SLC39A11: variants seen among roughly 807,000 people sequenced by gnomAD.
SLC39A11 encodes solute carrier family 39 member 11.
Under a neutral mutation model 36.1 loss-of-function variants are expected in SLC39A11, and 33 were observed. The observed-to-expected ratio is 0.91, with a 90% CI of 0.69 to 1.22. SLC39A11 has a LOEUF of 1.22. Ranked by LOEUF, SLC39A11 falls within the 50% of genes most tolerant of loss-of-function variation. SLC39A11 has a pLI of 0.00. For missense variants in SLC39A11, 432 were observed against 430.3 expected (o/e 1.00, Z -0.03); for synonymous variants, 166 against 170.3 (o/e 0.97, Z 0.20).
At chr17:73,068,306 C>A in intron 3 of SLC39A11, 1 of 609,770 alleles carries the variant, frequency 1.6e-6, no homozygotes, top group Non-Finnish European at 2.9e-6. Flanking sequence ...TGGAGAGACT[C>A]CGGGGTCTTT....
intron 7 of SLC39A11, among the ~76,000 whole-genome samples, chr17:72,658,682 A>C (rs530728938): frequency 6.6e-6 from 1 of 152,322 alleles, no homozygotes; most frequent in East Asian, 1.9e-4. Flanking sequence ...GTGTAGTGCC[A>C]GTCAAACATA....
chr17:72,681,043 A>G (rs1271031953), intron 7 of SLC39A11, among the ~76,000 whole-genome samples: 2 of 152,102 alleles, frequency 1.3e-5, no homozygotes, highest in East Asian at 3.9e-4. Flanking sequence ...CCCGGGTTCA[A>G]GTGATTTTCC....
At chr17:72,948,326 T>C (rs1430336430) in intron 4 of SLC39A11, among the ~76,000 whole-genome samples, 8 of 150,684 alleles carry the variant, frequency 5.3e-5, no homozygotes, top group African/African-American at 2.0e-4. Context: ...AAAACCCCAC[T>C]GCAAGCGTCA....
chr17:72,918,870 C>T (rs2083477624), intron 5 of SLC39A11, among the ~76,000 whole-genome samples: 1 of 152,066 alleles, frequency 6.6e-6, no homozygotes, highest in Admixed American at 6.6e-5. Context: ...TGAGATCAGC[C>T]TGGCCAACAT....
chr17:72,874,986 G>A (rs1052369130), intron 5 of SLC39A11, among the ~76,000 whole-genome samples: 2 of 152,170 alleles, frequency 1.3e-5, no homozygotes, highest in Non-Finnish European at 2.9e-5. Context: ...TAAACTGGGG[G>A]AAAGGAGGGA....
chr17:72,697,285 G>T (rs2072350086), intron 7 of SLC39A11, among the ~76,000 whole-genome samples: 1 of 152,146 alleles, frequency 6.6e-6, no homozygotes, highest in African/African-American at 2.4e-5. Context: ...GTTTCGCCAT[G>T]TTGCCCAGGC....
rs76977246 is a variant in SLC39A11, at chr17:73,037,135, G to T, written c.148-5421C>A. On this transcript the variant is annotated intron_variant, in intron 3 of 9. Coordinates refer to ENST00000255559, the MANE Select transcript of SLC39A11 (RefSeq NM_139177.4). ...CAGTTTATCTGTTCACCTATTGAAG[G>T]ACTTTTTGGTTGCTTCTGAGTTTTG... 3.0e-3 allele frequency among the ~76,000 whole-genome samples: 458 copies of T among 152,286 alleles called. 4 individuals are homozygous for T. The highest frequency in any genetic ancestry group is 0.024 in the East Asian group (125 of 5,178).
In SLC39A11 at chr17:72,919,796, C is replaced by T. The variant is rs187951052; in HGVS notation, c.430+27956G>A. Among the ~76,000 whole-genome samples, 402 of 152,246 alleles carry T rather than the reference C, an allele frequency of 2.6e-3. 2 individuals are homozygous for T. The highest frequency in any genetic ancestry group is 8.9e-3 in the African/African-American group (368 of 41,538). On this transcript the variant is annotated intron_variant, in intron 5 of 9. Coordinates refer to ENST00000255559, the MANE Select transcript of SLC39A11 (RefSeq NM_139177.4). ...CAGGGTGGTCGGGCAGCACGGCCAC[C>T]ACAGCTGCATCTCTGATGCTCTGGT...
rs181061531 is a variant in SLC39A11, at chr17:72,856,901, G to A, written c.431-7097C>T. Among the ~76,000 whole-genome samples, 6 of 152,258 alleles carry A rather than the reference G, an allele frequency of 3.9e-5. No homozygotes were observed. In the East Asian group the frequency reaches 7.7e-4, roughly 20 times the overall value. ...TCACCATGTTGGCCAGGCTGGTCTT[G>A]AACTCCTGACCTCAGGTGATCCACC... On this transcript the variant is annotated intron_variant, in intron 5 of 9. Coordinates refer to ENST00000255559, the MANE Select transcript of SLC39A11 (RefSeq NM_139177.4).
Position 72,951,559 on chromosome 17 carries a change from C to T in SLC39A11, c.307-3684G>A, listed in dbSNP as rs886327641. Among the ~76,000 whole-genome samples, 7 of 152,078 alleles carry T rather than the reference C, an allele frequency of 4.6e-5. No homozygotes were observed. In the East Asian group the frequency reaches 5.8e-4, roughly 13 times the overall value. On this transcript the variant is annotated intron_variant, in intron 4 of 9. Coordinates refer to ENST00000255559, the MANE Select transcript of SLC39A11 (RefSeq NM_139177.4). ...TCCTCATGAATCCTACATTCTCCTT[C>T]GAGAGACAGATGATAATAAACCCAT...
intron 6 of SLC39A11, among the ~76,000 whole-genome samples, chr17:72,813,908 C>T (rs934335917): frequency 3.3e-5 from 5 of 152,172 alleles, no homozygotes; most frequent in East Asian, 1.9e-4. Flanking sequence ...ACATTTAAAA[C>T]GTGACACTGA....
intron 5 of SLC39A11, among the ~76,000 whole-genome samples, chr17:72,863,715 C>CA (rs2080159969): frequency 6.6e-6 from 1 of 152,222 alleles, no homozygotes; most frequent in Non-Finnish European, 1.5e-5. Context: ...ATGCCAGAGG[C>CA]AGGTGGTAGG....
chr17:73,092,497 C>G (rs1326062904), intron 1 of SLC39A11, 114 bp downstream of exon 1: 4 of 152,226 alleles, frequency 2.6e-5, no homozygotes, highest in South Asian at 4.2e-4. Flanking sequence ...AGGCGTACCC[C>G]CTTCCAAGCT....
intron 4 of SLC39A11, among the ~76,000 whole-genome samples, chr17:73,018,977 A>G (rs557981838): frequency 1.3e-5 from 2 of 152,224 alleles, no homozygotes; most frequent in Non-Finnish European, 2.9e-5. Context: ...TAGGAGAACA[A>G]TGCTGACTTC....
chr17:72,959,791 A>G (rs1417314930), intron 4 of SLC39A11, among the ~76,000 whole-genome samples: 1 of 152,142 alleles, frequency 6.6e-6, no homozygotes, highest in Non-Finnish European at 1.5e-5. Flanking sequence ...CACAAAAACT[A>G]TTTAAGTCAC....
At chr17:73,022,058 G>A (rs1408151714) in intron 4 of SLC39A11, among the ~76,000 whole-genome samples, 1 of 152,264 alleles carries the variant, frequency 6.6e-6, no homozygotes, top group Non-Finnish European at 1.5e-5. Context: ...AGACACGCTT[G>A]AAATGCTCTG....
At chr17:72,900,522 C>T (rs1018512366) in intron 5 of SLC39A11, among the ~76,000 whole-genome samples, 15 of 152,128 alleles carry the variant, frequency 9.9e-5, no homozygotes, top group African/African-American at 3.6e-4. Context: ...AGCCAGGACC[C>T]TGATCCTGGA....
chr17:73,045,464 T>C (rs900921501), intron 3 of SLC39A11, among the ~76,000 whole-genome samples: 6 of 151,240 alleles, frequency 4.0e-5, no homozygotes, highest in Non-Finnish European at 2.9e-5. Flanking sequence ...TTCTTTTTTT[T>C]CCAAGTGCAA....
chr17:72,843,129 T>C (rs1394355425), intron 6 of SLC39A11, among the ~76,000 whole-genome samples: 1 of 152,070 alleles, frequency 6.6e-6, no homozygotes, highest in African/African-American at 2.4e-5. Flanking sequence ...TTTATATTTT[T>C]AGTAGAGACG....
Sources: allele counts gnomAD v4.1 joint callset (sites outside exome capture counted in the v4.1 genomes callset), GRCh38; gene constraint gnomAD v4.1.1; transcripts MANE v1.5; gene names NCBI Gene and HGNC (gene_info 2026-07-23, HGNC 2026-07-21).